The following SLC38A12 variants were observed in gnomAD, a reference collection of about 807,000 sequenced individuals.
SLC38A12 encodes the protein putative sodium-coupled neutral amino acid transporter 12.
the SLC38A12 span, among the ~76,000 whole-genome samples, chr17:74,802,501 G>A: frequency 2.0e-5 from 3 of 152,260 alleles, no homozygotes; most frequent in East Asian, 5.8e-4. Context: ...CTTCTAAGCT[G>A]GTGACCGACA....
At chr17:74,803,791 G>A in the SLC38A12 span, among the ~76,000 whole-genome samples, 5 of 152,124 alleles carry the variant, frequency 3.3e-5, no homozygotes, top group South Asian at 2.1e-4. Flanking sequence ...TGTGCACCCC[G>A]CTGCTTCCAG....
chr17:74,786,652 C>T, the SLC38A12 span, among the ~76,000 whole-genome samples: 7 of 151,986 alleles, frequency 4.6e-5, no homozygotes, highest in African/African-American at 1.5e-4. Context: ...TGGGTGCGGG[C>T]GGAAGGATGA....
At chr17:74,789,413 G>T in the SLC38A12 span, among the ~76,000 whole-genome samples, 29 of 151,862 alleles carry the variant, frequency 1.9e-4, no homozygotes, top group African/African-American at 7.0e-4. Context: ...GCCTGTAATC[G>T]CAGCTACTCA....
At chr17:74,790,927 T>A in the SLC38A12 span, 3 of 1,609,246 alleles carry the variant, frequency 1.9e-6, no homozygotes, top group Non-Finnish European at 2.6e-6. Context: ...AAGAACCACT[T>A]CCTCTTCCTT....
the SLC38A12 span, among the ~76,000 whole-genome samples, chr17:74,819,347 T>C: frequency 2.6e-5 from 4 of 152,240 alleles, no homozygotes; most frequent in African/African-American, 9.6e-5. Flanking sequence ...GTCAGAGACA[T>C]GGCTGGTGCT....
the SLC38A12 span, among the ~76,000 whole-genome samples, chr17:74,823,385 T>C: frequency 6.6e-6 from 1 of 152,256 alleles, no homozygotes; most frequent in Admixed American, 6.5e-5. Context: ...GGAGCTGTGC[T>C]GAGGAGCCTT....
At chr17:74,833,594 C>G in the SLC38A12 span, among the ~76,000 whole-genome samples, 5 of 152,206 alleles carry the variant, frequency 3.3e-5, no homozygotes, top group African/African-American at 1.2e-4. Context: ...CAGAGAAGCA[C>G]GAGCTGTGTC....
the SLC38A12 span, among the ~76,000 whole-genome samples, chr17:74,808,740 G>T: frequency 6.6e-6 from 1 of 152,210 alleles, no homozygotes; most frequent in Admixed American, 6.5e-5. Flanking sequence ...GACAACAGGC[G>T]GGGTATTACC....
chr17:74,831,709 C>T, the SLC38A12 span, among the ~76,000 whole-genome samples: 25 of 152,330 alleles, frequency 1.6e-4, no homozygotes, highest in African/African-American at 3.8e-4. Context: ...TGCTGGGGGC[C>T]GACCCCCCTG....
chr17:74,783,260 C>T, the SLC38A12 span, among the ~76,000 whole-genome samples: 6 of 152,266 alleles, frequency 3.9e-5, no homozygotes, highest in Non-Finnish European at 7.3e-5. Context: ...GTGTGCCAGA[C>T]ACCCTGAGAA....
chr17:74,791,093 A>T, the SLC38A12 span: 1 of 1,483,172 alleles, frequency 6.7e-7, no homozygotes, highest in Admixed American at 1.7e-5. Flanking sequence ...GCTTCCCTGC[A>T]GGCCTGCACC....
At chr17:74,810,469 T>A in the SLC38A12 span, among the ~76,000 whole-genome samples, 1 of 152,208 alleles carries the variant, frequency 6.6e-6, no homozygotes, top group African/African-American at 2.4e-5. Context: ...CTAACACTAA[T>A]CACTGCTGCA....
the SLC38A12 span, chr17:74,837,651 C>T: frequency 1.6e-5 from 16 of 985,464 alleles, no homozygotes; most frequent in Admixed American, 6.1e-5. Context: ...CGTGGGTGCT[C>T]AGTGTTCACG....
At chr17:74,822,614 G>C in the SLC38A12 span, among the ~76,000 whole-genome samples, 1 of 152,226 alleles carries the variant, frequency 6.6e-6, no homozygotes, top group Non-Finnish European at 1.5e-5. Flanking sequence ...TGCTGGGGGC[G>C]ACAGCAAAGG....
At chr17:74,820,951 C>T in the SLC38A12 span, among the ~76,000 whole-genome samples, 1 of 152,228 alleles carries the variant, frequency 6.6e-6, no homozygotes, top group Non-Finnish European at 1.5e-5. Flanking sequence ...AGATGTCAGT[C>T]TAAGGAGCCT....
the SLC38A12 span, chr17:74,790,999 G>A: frequency 1.2e-6 from 2 of 1,614,060 alleles, no homozygotes; most frequent in Admixed American, 1.7e-5. Flanking sequence ...CAGACCGGGT[G>A]GAAATGGGAC....
the SLC38A12 span, among the ~76,000 whole-genome samples, chr17:74,828,201 G>C: frequency 6.6e-6 from 1 of 152,236 alleles, no homozygotes; most frequent in African/African-American, 2.4e-5. Flanking sequence ...AATGGCACGG[G>C]GCTTGGGGCG....
the SLC38A12 span, among the ~76,000 whole-genome samples, chr17:74,804,564 G>C: frequency 6.6e-6 from 1 of 152,236 alleles, no homozygotes; most frequent in Non-Finnish European, 1.5e-5. Flanking sequence ...TTCGCTGACA[G>C]TGGACCAAGG....
chr17:74,838,789 G>A, the SLC38A12 span: 1 of 1,491,154 alleles, frequency 6.7e-7, no homozygotes, highest in African/African-American at 1.4e-5. Flanking sequence ...GAGAGCCCCA[G>A]GTGATGCTGG....
Sources: allele counts gnomAD v4.1 joint callset (sites outside exome capture counted in the v4.1 genomes callset), GRCh38; gene constraint gnomAD v4.1.1; transcripts MANE v1.5; gene names NCBI Gene and HGNC (gene_info 2026-07-23, HGNC 2026-07-21).